Variants in GSK3B observed in about 807,000 individuals in gnomAD.
The protein encoded by GSK3B is glycogen synthase kinase-3 beta.
GSK3B carries 15 observed loss-of-function variants against 56.4 expected under a neutral mutation model. The observed-to-expected ratio is 0.27, with a 90% CI of 0.18 to 0.41. The LOEUF (loss-of-function observed/expected upper bound fraction) is 0.41. Ranked by LOEUF, GSK3B falls within the 10% of genes least tolerant of loss-of-function variation. The probability of loss-of-function intolerance (pLI) is 1.00; values close to 1 mark genes in which losing one functional copy is unlikely to be tolerated. For synonymous variants in GSK3B, 181 were observed against 188.9 expected (o/e 0.96, Z 0.34); for missense variants, 300 against 513.4 (o/e 0.58, Z 4.02).
chr3:119,958,154 G>A (rs2107502577), intron 2 of GSK3B, among the ~76,000 whole-genome samples: 1 of 152,206 alleles, frequency 6.6e-6, no homozygotes, highest in Middle Eastern at 3.4e-3. Flanking sequence ...CCTGCACGAT[G>A]ACTCTCTCTC....
At chr3:120,074,927 C>G (rs555670304) in intron 1 of GSK3B, among the ~76,000 whole-genome samples, 1 of 152,186 alleles carries the variant, frequency 6.6e-6, no homozygotes, top group Non-Finnish European at 1.5e-5. Flanking sequence ...CTAAGCTAGA[C>G]AAAAACATTA....
chr3:119,880,441 C>G (rs952510698), intron 7 of GSK3B, among the ~76,000 whole-genome samples: 4 of 152,212 alleles, frequency 2.6e-5, no homozygotes, highest in African/African-American at 9.6e-5. Flanking sequence ...CTTTGCTGTG[C>G]AGAAGCTTTT....
intron 9 of GSK3B, among the ~76,000 whole-genome samples, chr3:119,858,273 T>C (rs1034294246): frequency 2.6e-5 from 4 of 152,248 alleles, no homozygotes; most frequent in African/African-American, 4.8e-5. Flanking sequence ...AGATTCTAGA[T>C]GGCATCTTCT....
intron 5 of GSK3B, among the ~76,000 whole-genome samples, chr3:119,915,474 G>GTA (rs2056771447): frequency 1.3e-5 from 2 of 151,866 alleles, no homozygotes; most frequent in Non-Finnish European, 2.9e-5. Flanking sequence ...CCTTTCTCAG[G>GTA]CAATCAAATA....
At chr3:119,872,830 T>C (rs1247746374) in intron 8 of GSK3B, among the ~76,000 whole-genome samples, 1 of 152,128 alleles carries the variant, frequency 6.6e-6, no homozygotes, top group Non-Finnish European at 1.5e-5. Context: ...GCATAAACAT[T>C]AGGAGCAGTG....
chr3:119,875,927 C>T (rs1356137786), intron 8 of GSK3B, among the ~76,000 whole-genome samples: 1 of 152,062 alleles, frequency 6.6e-6, no homozygotes, highest in Non-Finnish European at 1.5e-5. Context: ...AGCAAGATTA[C>T]ATTTGCTTTC....
intron 1 of GSK3B, among the ~76,000 whole-genome samples, chr3:120,042,435 T>C (rs532567851): frequency 1.4e-4 from 22 of 152,222 alleles, no homozygotes; most frequent in Non-Finnish European, 2.5e-4. Context: ...AGATAGTTGC[T>C]TTATATGTAA....
chr3:119,864,456 TA>T (rs1271197344), intron 8 of GSK3B, among the ~76,000 whole-genome samples: 3 of 151,800 alleles, frequency 2.0e-5, no homozygotes, highest in Admixed American at 1.3e-4. Context: ...AGAATAAAAA[TA>T]AAAAGGTAAG....
At chr3:120,008,258 A>G (rs1332381152) in intron 1 of GSK3B, among the ~76,000 whole-genome samples, 2 of 152,272 alleles carry the variant, frequency 1.3e-5, no homozygotes, top group African/African-American at 4.8e-5. Context: ...AAAACATTCC[A>G]TGCTCATGCA....
chr3:119,844,948 A>G (rs1477643897), intron 9 of GSK3B, among the ~76,000 whole-genome samples: 2 of 152,220 alleles, frequency 1.3e-5, no homozygotes, highest in Non-Finnish European at 2.9e-5. Context: ...CAGCACCTTA[A>G]AAAGCGTATC....
intron 4 of GSK3B, among the ~76,000 whole-genome samples, chr3:119,918,055 C>G (rs1323381957): frequency 6.6e-6 from 1 of 152,096 alleles, no homozygotes; most frequent in Non-Finnish European, 1.5e-5. Context: ...GATTAAGCAA[C>G]TTGCTCAATA....
Position 119,905,841 on chromosome 3 carries a change from C to A in GSK3B, c.727G>T (p.Ala243Ser). 6.3e-7 allele frequency: 1 copy of A among 1,582,458 alleles called. No homozygotes were observed. Among genetic ancestry groups the A allele is most frequent in the Non-Finnish European group, 8.7e-7 (1 of 1,151,208 alleles). Residue 243 changes from alanine (A) to serine (S), a missense_variant, in exon 7 of 11, where the codon GCT becomes TCT. Transcript: ENST00000264235. ...AACAGCTCAGCCAACACACAGCCAGCAGACCATACATCTAAAGAGAAAAGA... is the reference window on the plus strand; with the variant it reads ...AACAGCTCAGCCAACACACAGCCAGAAGACCATACATCTAAAGAGAAAAGA... ...DYTSSIDVWS[A>S]GCVLAELLLG...
intron 3 of GSK3B, among the ~76,000 whole-genome samples, chr3:119,931,490 C>G (rs1021473581): frequency 1.3e-5 from 2 of 152,070 alleles, no homozygotes; most frequent in East Asian, 3.9e-4. Context: ...GTGGCATGCA[C>G]CTGTAGTCCC....
intron 2 of GSK3B, among the ~76,000 whole-genome samples, chr3:119,952,308 T>G (rs2057165104): frequency 6.6e-6 from 1 of 151,444 alleles, no homozygotes; most frequent in Non-Finnish European, 1.5e-5. Context: ...GCCAACATGG[T>G]GAAACCCCAT....
chr3:120,066,003 G>C (rs2058275403), intron 1 of GSK3B, among the ~76,000 whole-genome samples: 1 of 152,148 alleles, frequency 6.6e-6, no homozygotes, highest in Admixed American at 6.5e-5. Context: ...GCAGGGTAGG[G>C]AAAAGCTCTG....
chr3:120,038,135 C>A (rs779801408), intron 1 of GSK3B, among the ~76,000 whole-genome samples: 1 of 152,174 alleles, frequency 6.6e-6, no homozygotes, highest in Non-Finnish European at 1.5e-5. Flanking sequence ...CGGAATTTAT[C>A]CCAGAGCCCA....
intron 9 of GSK3B, among the ~76,000 whole-genome samples, chr3:119,853,593 T>C (rs2055971859): frequency 6.6e-6 from 1 of 152,204 alleles, no homozygotes; most frequent in East Asian, 1.9e-4. Flanking sequence ...CTCTTTTATT[T>C]CGTTGAGCAG....
intron 1 of GSK3B, among the ~76,000 whole-genome samples, chr3:120,022,732 TC>T (rs1301501313): frequency 3.9e-5 from 6 of 152,178 alleles, no homozygotes; most frequent in Non-Finnish European, 7.3e-5. Flanking sequence ...CATTTCTTTC[TC>T]CCCACAAAGC....
In GSK3B at chr3:119,948,413, C is replaced by T. The variant is rs530340630; in HGVS notation, c.283-1062G>A. ...AGAAGTGAATGTTCCTTTAAACTGA[C>T]CTTTCGGAGTTGGGCTTATGTGTAC... On this transcript the variant is annotated intron_variant, in intron 2 of 10. Coordinates refer to ENST00000264235, the MANE Select transcript of GSK3B (RefSeq NM_001146156.2). Among the ~76,000 whole-genome samples the T allele has an allele frequency of 2.0e-5, 3 of 152,276 alleles. No homozygotes were observed. The East Asian group carries it at 5.8e-4, about 29-fold the overall frequency.
Sources: allele counts gnomAD v4.1 joint callset (sites outside exome capture counted in the v4.1 genomes callset), GRCh38; gene constraint gnomAD v4.1.1; transcripts MANE v1.5; gene names NCBI Gene and HGNC (gene_info 2026-07-23, HGNC 2026-07-21).